The following TTLL12 variants were observed in gnomAD, a reference collection of about 807,000 sequenced individuals.
The protein encoded by TTLL12 is tubulin--tyrosine ligase-like protein 12.
Under a neutral mutation model 79.6 loss-of-function variants are expected in TTLL12, and 77 were observed. That is an observed-to-expected ratio of 0.97 (90% CI 0.81 to 1.17). The LOEUF (loss-of-function observed/expected upper bound fraction) is 1.17. Ranked by LOEUF, TTLL12 falls within the 50% of genes most tolerant of loss-of-function variation. The pLI, the probability that TTLL12 is intolerant of heterozygous loss-of-function variation, is 0.00. For synonymous variants in TTLL12, 437 were observed against 376.1 expected (o/e 1.16, Z -1.87); for missense variants, 969 against 895.9 (o/e 1.08, Z -1.04).
At chr22:43,186,478 C>G (rs1932188773) in intron 1 of TTLL12, among the ~76,000 whole-genome samples, 1 of 152,204 alleles carries the variant, frequency 6.6e-6, no homozygotes, top group African/African-American at 2.4e-5. Context: ...TTCTGTGAAC[C>G]CAACAGTTAC....
chr22:43,169,262 C>T (rs1569483121), intron 12 of TTLL12, among the ~76,000 whole-genome samples: 1 of 152,220 alleles, frequency 6.6e-6, no homozygotes, highest in Admixed American at 6.5e-5. Flanking sequence ...TCTGGCTGTC[C>T]CAGGGGTGCC....
At chr22:43,171,276 T>C (rs796121262) in intron 11 of TTLL12, among the ~76,000 whole-genome samples, 6 of 152,310 alleles carry the variant, frequency 3.9e-5, no homozygotes, top group African/African-American at 1.4e-4. Context: ...GCCCCCACCT[T>C]GGAAGGGCCT....
In TTLL12 at chr22:43,167,592, C is replaced by T. The variant is rs57565066; in HGVS notation, c.*416G>A. The T allele has an allele frequency of 0.015, 2,667 of 181,958 alleles. 85 individuals carry two copies. Among genetic ancestry groups the T allele is most frequent in the African/African-American group, 0.06 (2,542 of 42,478 alleles). The allele number at this position is 181,958 out of a possible 1,614,324, so 11.3% of individuals were successfully genotyped here. The stretch of plus-strand genomic sequence containing the variant: ...CCCCGTGTGATACAGGGCTCCCAAA[C>T]GCTTCCCGGTGGAACCCTGCTCCCG... On this transcript the variant is annotated 3_prime_UTR_variant, in exon 14 of 14. Transcript: ENST00000216129.
intron 2 of TTLL12, among the ~76,000 whole-genome samples, chr22:43,181,426 G>A (rs770722410): frequency 6.6e-6 from 1 of 152,212 alleles, no homozygotes; most frequent in Non-Finnish European, 1.5e-5. Flanking sequence ...AGAGGCCAAC[G>A]CACACAGACG....
chr22:43,172,449 G>A lies in TTLL12; in HGVS notation c.1447C>T (p.Leu483=), dbSNP rs1931789943. 2.5e-6 allele frequency: 4 copies of A among 1,614,178 alleles called. No individual in the cohort carries two copies. The highest frequency in any genetic ancestry group is 2.2e-5 in the East Asian group (1 of 44,886). ...AACACATCATACACGAACAACCGTA[G>A]GGGCCTCACTGACCGCAGCAGCACG... ...YIVLLRSVRP[L]RLFVYDVFWL... The change falls in exon 10 of 14, where the codon CTA becomes TTA. Residue 483 remains leucine, a synonymous_variant. Coordinates refer to ENST00000216129, the MANE Select transcript of TTLL12 (RefSeq NM_015140.4).
chr22:43,182,992 G>C lies in TTLL12; in HGVS notation c.335C>G (p.Ala112Gly). 6.2e-7 allele frequency: 1 copy of C among 1,613,430 alleles called. No individual in the cohort carries two copies. The highest frequency in any genetic ancestry group is 8.5e-7 in the Non-Finnish European group (1 of 1,179,586). The change falls in exon 2 of 14, where the codon GCC becomes GGC. Residue 112 changes from alanine (A) to glycine (G), a missense_variant. By Grantham distance (60) the Ala-to-Gly change is moderately conservative. Coordinates refer to ENST00000216129, the MANE Select transcript of TTLL12 (RefSeq NM_015140.4). ...GCCAGGCTCCTACCTGTTGGGGTGG[G>C]CTGCCTGGAGCCCGCTCTCCCTGGT... ...IVTRESGLQA[A>G]HPNSIFLIDH...
chr22:43,183,023 T>C lies in TTLL12; in HGVS notation c.304A>G (p.Ile102Val), dbSNP rs1229466288. 1.2e-6 allele frequency: 2 copies of C among 1,613,936 alleles called. No individual in the cohort carries two copies. The highest frequency in any genetic ancestry group is 2.2e-5 in the East Asian group (1 of 44,880). ...NPGNELCYKV[I>V]VTRESGLQAA... ...TGGAGCCCGCTCTCCCTGGTCACGA[T>C]GACCTTGTAGCACAGCTCGTTCCCC... The change falls in exon 2 of 14, where the codon ATC (isoleucine) becomes GTC (valine). Residue 102 changes from isoleucine to valine, a missense_variant. Physicochemically the swap from Ile to Val is conservative, Grantham distance 29. Coordinates refer to ENST00000216129, the MANE Select transcript of TTLL12 (RefSeq NM_015140.4).
chr22:43,176,706 GGA>G (rs1381533979), intron 5 of TTLL12, among the ~76,000 whole-genome samples: 6 of 146,836 alleles, frequency 4.1e-5, no homozygotes, highest in African/African-American at 1.5e-4. Flanking sequence ...CTCCAGCCTG[GGA>G]GAGAGTGTGA....
In TTLL12 at chr22:43,174,404, C is replaced by T. The variant is rs767888816; in HGVS notation, c.1035-1G>A. 1 of 1,560,304 alleles carries T rather than the reference C, an allele frequency of 6.4e-7. No homozygotes were observed. The highest frequency in any genetic ancestry group is 8.7e-7 in the Non-Finnish European group (1 of 1,148,540). ...GCCTGGCCTCTCCTGGCTGAGTTTC[C>T]TGCAGGGCGGAGGCAGGTGCGCCAG... On this transcript the variant is annotated splice_acceptor_variant, in intron 7 of 13. Coordinates refer to ENST00000216129, the MANE Select transcript of TTLL12 (RefSeq NM_015140.4). LOFTEE classifies it high-confidence loss of function.
At chr22:43,175,839 ATTTTTTTTT>A (rs753447234) in intron 6 of TTLL12, among the ~76,000 whole-genome samples, 1 of 128,380 alleles carries the variant, frequency 7.8e-6, no homozygotes, top group Non-Finnish European at 1.6e-5. Context: ...TGCCCTACTA[ATTTTTTTTT>A]TTTTTTTTTT....
At chr22:43,178,375 G>A (rs1380432417) in intron 5 of TTLL12, among the ~76,000 whole-genome samples, 6 of 150,526 alleles carry the variant, frequency 4.0e-5, no homozygotes, top group Admixed American at 2.0e-4. Flanking sequence ...AGGCTGGAGT[G>A]CAGTGGCGCG....
intron 5 of TTLL12, among the ~76,000 whole-genome samples, chr22:43,177,346 A>G (rs1230702650): frequency 6.6e-6 from 1 of 152,110 alleles, no homozygotes; most frequent in Non-Finnish European, 1.5e-5. Flanking sequence ...TCTAGCCTGG[A>G]CAAAAGCAAG....
Position 43,174,285 on chromosome 22 carries a change from G to A in TTLL12, c.1153C>T (p.Pro385Ser). The change falls in exon 8 of 14, where the codon CCC becomes TCC. Residue 385 changes from proline to serine, a missense_variant. Coordinates refer to ENST00000216129, the MANE Select transcript of TTLL12 (RefSeq NM_015140.4). The part of the protein sequence containing the change: ...ARRAGGPEGP[P>S]WLPRTFNLRT... ...AGGTTGAAGGTTCGGGGCAGCCAGGGTGGGCCCTCGGGGCCACCTGCCCGG... is the reference window on the plus strand; with the variant it reads ...AGGTTGAAGGTTCGGGGCAGCCAGGATGGGCCCTCGGGGCCACCTGCCCGG... 1 of 1,611,316 alleles carries A rather than the reference G, an allele frequency of 6.2e-7. No individual in the cohort carries two copies.
chr22:43,167,103 G>A lies in TTLL12; in HGVS notation c.*905C>T. On this transcript the variant is annotated 3_prime_UTR_variant, in exon 14 of 14. Transcript: ENST00000216129. Reference sequence around the variant, plus strand: ...ATAAGAAAAAGCCAACATTTTGACTGTAGACCCTGGTAGGTGGCATCTGAC... The same window carrying A: ...ATAAGAAAAAGCCAACATTTTGACTATAGACCCTGGTAGGTGGCATCTGAC... 1 of 482,446 alleles carries A rather than the reference G, an allele frequency of 2.1e-6. No homozygotes were observed. Among genetic ancestry groups the A allele is most frequent in the Admixed American group, 2.3e-5 (1 of 43,166 alleles). 29.9% of individuals were successfully genotyped at this position (482,446 alleles called of 1,614,324 possible).
At position 43,168,081 on chromosome 22, in the gene TTLL12, G is replaced by C; in HGVS notation, c.1862C>G (p.Thr621Ser). 6.2e-7 allele frequency: 1 copy of C among 1,614,186 alleles called. No individual in the cohort carries two copies. Among genetic ancestry groups the C allele is most frequent in the Non-Finnish European group, 8.5e-7 (1 of 1,180,016 alleles). The change falls in exon 14 of 14, where the codon ACC (threonine) becomes AGC (serine). Residue 621 changes from threonine to serine, a missense_variant. Thr to Ser is a moderately conservative substitution (Grantham distance 58). Coordinates refer to ENST00000216129, the MANE Select transcript of TTLL12 (RefSeq NM_015140.4). Reference protein sequence around the residue: ...DCERACRYHPTFFNDVFSTLF... With the variant: ...DCERACRYHPSFFNDVFSTLF... ...GGTGCTGAAGACGTCGTTGAAGAAG[G>C]TGGGGTGGTACCTGCAGGCTCGCTC...
At chr22:43,182,519 T>G (rs1427403704) in intron 2 of TTLL12, among the ~76,000 whole-genome samples, 1 of 152,164 alleles carries the variant, frequency 6.6e-6, no homozygotes, top group Non-Finnish European at 1.5e-5. Context: ...TGGGGTACAG[T>G]CTCAGCTCTG....
intron 9 of TTLL12, among the ~76,000 whole-genome samples, chr22:43,173,305 G>A (rs1931813023): frequency 6.6e-6 from 1 of 152,038 alleles, no homozygotes; most frequent in Non-Finnish European, 1.5e-5. Flanking sequence ...GCGATTAGAC[G>A]CACCCAGGAC....
At position 43,176,302 on chromosome 22, in the gene TTLL12, T is replaced by TGTG; in HGVS notation, c.917+17_917+18insCAC. The TGTG allele has an allele frequency of 1.3e-6, 2 of 1,494,074 alleles. No individual in the cohort carries two copies. Among genetic ancestry groups the TGTG allele is most frequent in the Non-Finnish European group, 1.8e-6 (2 of 1,093,538 alleles). The allele number at this position is 1,494,074 out of a possible 1,614,324, so 92.6% of individuals were successfully genotyped here. On this transcript the variant is annotated intron_variant, in intron 6 of 13. Transcript: ENST00000216129. ...TGCGGACAAGTCCCAGCCCAAGCAG[T>TGTG]GGGGGGGGGCTACGCACTTGAAGAT...
chr22:43,168,724 C>T (rs774521567), intron 13 of TTLL12, 50 bp downstream of exon 13: 11 of 1,542,332 alleles, frequency 7.1e-6, no homozygotes, highest in South Asian at 1.2e-5. Flanking sequence ...GGCTGGCTGG[C>T]GGAGGGGGCG....
Sources: allele counts gnomAD v4.1 joint callset (sites outside exome capture counted in the v4.1 genomes callset), GRCh38; gene constraint gnomAD v4.1.1; transcripts MANE v1.5; gene names NCBI Gene and HGNC (gene_info 2026-07-23, HGNC 2026-07-21).